Variants in ARHGAP26 observed in about 807,000 individuals in gnomAD.
The protein encoded by ARHGAP26 is rho GTPase-activating protein 26.
ARHGAP26 carries 38 observed loss-of-function variants against 104.8 expected under a neutral mutation model. The ratio of observed to expected loss-of-function variants is 0.36; its 90% CI spans 0.28 to 0.48. ARHGAP26 has a LOEUF of 0.48. Among genes scored for constraint, ARHGAP26 ranks in the 20% least tolerant of loss-of-function variants. The pLI, the probability that ARHGAP26 is intolerant of heterozygous loss-of-function variation, is 0.99. For missense variants in ARHGAP26, 704 were observed against 947.9 expected, an observed-to-expected ratio of 0.74 and a Z score of 3.38; for synonymous variants, 341 against 340.0, an observed-to-expected ratio of 1.00 and a Z score of -0.03.
chr5:142,846,312 C>T (rs1015422269), intron 1 of ARHGAP26, among the ~76,000 whole-genome samples: 5 of 152,088 alleles, frequency 3.3e-5, no homozygotes, highest in East Asian at 1.9e-4. Flanking sequence ...AGAGGGGTGC[C>T]GAGGTATATG....
At chr5:143,052,595 G>A (rs1422839737) in intron 14 of ARHGAP26, among the ~76,000 whole-genome samples, 4 of 152,180 alleles carry the variant, frequency 2.6e-5, no homozygotes, top group African/African-American at 7.2e-5. Flanking sequence ...GCCTTTGAGA[G>A]CCACATGTTT....
At chr5:143,097,614 A>G (rs1282660986) in intron 17 of ARHGAP26, among the ~76,000 whole-genome samples, 1 of 151,700 alleles carries the variant, frequency 6.6e-6, no homozygotes, top group Non-Finnish European at 1.5e-5. Context: ...AGGTCAAGAG[A>G]TTGAGACCAC....
intron 1 of ARHGAP26, among the ~76,000 whole-genome samples, chr5:142,812,998 C>T (rs1264343544): frequency 6.8e-6 from 1 of 147,252 alleles, no homozygotes; most frequent in African/African-American, 2.5e-5. Context: ...AGTGCAGTGG[C>T]GCGATCTCGG....
chr5:143,196,118 A>T (rs973437247), intron 20 of ARHGAP26, among the ~76,000 whole-genome samples: 3 of 152,164 alleles, frequency 2.0e-5, no homozygotes, highest in Non-Finnish European at 4.4e-5. Context: ...ACGTCTTAAC[A>T]AATTATTATT....
intron 22 of ARHGAP26, 32 bp downstream of exon 22, chr5:143,214,120 GC>G: frequency 3.0e-6 from 1 of 338,640 alleles, no homozygotes; most frequent in Non-Finnish European, 6.1e-6. Flanking sequence ...AAAGATATGG[GC>G]GGGGGGCGGG....
At chr5:143,014,903 G>A (rs1779374407) in intron 12 of ARHGAP26, among the ~76,000 whole-genome samples, 4 of 152,132 alleles carry the variant, frequency 2.6e-5, no homozygotes, top group Non-Finnish European at 5.9e-5. Flanking sequence ...AAATTTAAAG[G>A]TTGCCCTACT....
At position 143,147,487 on chromosome 5, in the gene ARHGAP26, A is replaced by G. The variant is rs1029978542; in HGVS notation, c.1988+106A>G. On this transcript the variant is annotated intron_variant, in intron 20 of 22. Coordinates refer to ENST00000645722, the MANE Select transcript of ARHGAP26 (RefSeq NM_001135608.3). ...GACTTTGGACCATTATCCCCTGAAC[A>G]TTATTTAAACCTCCTCCCTAAACTG... The G allele has an allele frequency of 2.6e-5, 35 of 1,346,816 alleles. No homozygotes were observed. The South Asian group carries it at 4.9e-4, about 19-fold the overall frequency. The allele number at this position is 1,346,816 out of a possible 1,614,324, so 83.4% of individuals were successfully genotyped here. A position where few individuals can be genotyped will look rare whatever the true frequency, so the allele number is the denominator to read the frequency against.
rs183575446 is a variant in ARHGAP26 at position 143,221,555 on chromosome 5, C to T, written c.2192-803C>T. ...TTGAGACAGGGTCTTGCTCTGTCGC[C>T]CAGGCTGGAGTGCAGTGGTGCAATC... On this transcript the variant is annotated intron_variant, in intron 22 of 22. Transcript: ENST00000645722. Among the ~76,000 whole-genome samples, 97 of 152,182 alleles carry T rather than the reference C, an allele frequency of 6.4e-4. 1 individual carries two copies. Among genetic ancestry groups the T allele is most frequent in the Admixed American group, 1.4e-3 (22 of 15,288 alleles).
At chr5:142,982,012 T>C (rs1048613556) in intron 11 of ARHGAP26, among the ~76,000 whole-genome samples, 1 of 152,250 alleles carries the variant, frequency 6.6e-6, no homozygotes, top group Non-Finnish European at 1.5e-5. Context: ...CCATTTGACC[T>C]CAAGCTGCTT....
intron 2 of ARHGAP26, among the ~76,000 whole-genome samples, chr5:142,873,911 C>G (rs1755699329): frequency 6.6e-6 from 1 of 152,160 alleles, no homozygotes; most frequent in East Asian, 1.9e-4. Context: ...TTCTTTGGCT[C>G]TCATTTTTTA....
intron 19 of ARHGAP26, among the ~76,000 whole-genome samples, chr5:143,142,134 C>CTTTTTTTTTTTT (rs762332039): frequency 1.1e-4 from 12 of 105,348 alleles, no homozygotes; most frequent in Admixed American, 2.2e-4. Context: ...CTACTTTTCA[C>CTTTTTTTTTTTT]TTTTTTTTTT....
At chr5:143,124,697 G>C (rs1211299226) in intron 18 of ARHGAP26, among the ~76,000 whole-genome samples, 1 of 152,216 alleles carries the variant, frequency 6.6e-6, no homozygotes, top group Non-Finnish European at 1.5e-5. Flanking sequence ...TATCATTTCT[G>C]TCACATTCTG....
intron 1 of ARHGAP26, among the ~76,000 whole-genome samples, chr5:142,785,959 A>T (rs899979152): frequency 6.7e-6 from 1 of 150,064 alleles, no homozygotes; most frequent in Non-Finnish European, 1.5e-5. Context: ...AGGACCAGGG[A>T]GGTGACTGAT....
intron 11 of ARHGAP26, among the ~76,000 whole-genome samples, chr5:142,950,958 CCTTTCCCTTCCT>C (rs1398654655): frequency 1.3e-4 from 20 of 151,616 alleles, no homozygotes; most frequent in African/African-American, 4.6e-4. Flanking sequence ...TTTCCCTTTC[CCTTTCCCTTCCT>C]CTTTCCCTTT....
intron 11 of ARHGAP26, among the ~76,000 whole-genome samples, chr5:143,004,333 C>G (rs1344749260): frequency 2.0e-5 from 3 of 152,158 alleles, no homozygotes; most frequent in Non-Finnish European, 4.4e-5. Context: ...GACCTTAATG[C>G]CAAGTTTCCA....
intron 13 of ARHGAP26, among the ~76,000 whole-genome samples, chr5:143,037,980 G>T (rs13180681): frequency 0.15 from 22,726 of 152,134 alleles, 4,599 homozygotes; most frequent in African/African-American, 0.46. Flanking sequence ...AAGGAGGCTG[G>T]TTCATCCTGA....
chr5:143,142,499 TAA>T (rs10718611), intron 19 of ARHGAP26, among the ~76,000 whole-genome samples: 12 of 149,592 alleles, frequency 8.0e-5, no homozygotes, highest in African/African-American at 2.9e-4. Context: ...AAGATTTTTT[TAA>T]AAAAAAAACA....
chr5:142,932,013 TG>T, intron 10 of ARHGAP26, 33 bp from the exon 11 acceptor site: 1 of 1,599,924 alleles, frequency 6.3e-7, no homozygotes, highest in Non-Finnish European at 8.6e-7. Context: ...CATGTGGCAC[TG>T]GTTTCATATC....
chr5:143,093,620 C>G (rs1011689434), intron 17 of ARHGAP26, among the ~76,000 whole-genome samples: 1 of 151,654 alleles, frequency 6.6e-6, no homozygotes, highest in Admixed American at 6.6e-5. Context: ...ATCTTTGTCT[C>G]CTCCTCTCTC....
Sources: gnomAD v4.1 joint callset for allele counts (sites outside exome capture counted in the v4.1 genomes callset) on GRCh38, gnomAD v4.1.1 for gene constraint, MANE v1.5 for transcripts, NCBI Gene and HGNC (gene_info 2026-07-23, HGNC 2026-07-21) for gene names.